Variants in PAPPA2 observed in about 807,000 individuals in gnomAD.
PAPPA2 encodes the protein pappalysin-2.
PAPPA2 carries 86 observed loss-of-function variants against 176.4 expected under a neutral mutation model. That is an observed-to-expected ratio of 0.49 (90% confidence interval 0.41 to 0.58). The LOEUF is 0.58. Ranked by LOEUF, PAPPA2 falls within the 20% of genes least tolerant of loss-of-function variation. The pLI is 0.00. For synonymous variants in PAPPA2, 809 were observed against 852.2 expected (o/e 0.95, Z 0.88); for missense variants, 2,073 against 2,256.9 (o/e 0.92, Z 1.65).
At chr1:176,504,884 A>T (rs1648168900) in intron 1 of PAPPA2, among the ~76,000 whole-genome samples, 1 of 152,116 alleles carries the variant, frequency 6.6e-6, no homozygotes, top group South Asian at 2.1e-4. Context: ...TGAAATGAAG[A>T]TAATACGGAA....
intron 16 of PAPPA2, 53 bp from the exon 17 acceptor site, chr1:176,770,914 T>C: frequency 6.5e-7 from 1 of 1,539,824 alleles, no homozygotes. Context: ...GCTATGATTA[T>C]CTTTCTGGGC....
chr1:176,553,225 G>A (rs1651067641), intron 1 of PAPPA2, among the ~76,000 whole-genome samples: 1 of 145,394 alleles, frequency 6.9e-6, no homozygotes, highest in South Asian at 2.4e-4. Flanking sequence ...AGCCTTGAGA[G>A]AGCCGAGGCT....
chr1:176,748,651 A>T (rs1571266531), intron 14 of PAPPA2, among the ~76,000 whole-genome samples: 1 of 152,234 alleles, frequency 6.6e-6, no homozygotes, highest in East Asian at 1.9e-4. Flanking sequence ...TCTCAATGAA[A>T]GACTGTATAT....
intron 12 of PAPPA2, among the ~76,000 whole-genome samples, chr1:176,728,822 A>G (rs551596169): frequency 6.6e-6 from 1 of 151,954 alleles, no homozygotes; most frequent in Non-Finnish European, 1.5e-5. Flanking sequence ...ATGCCCAAAC[A>G]TATATACATA....
chr1:176,825,615 A>C (rs755873665), intron 21 of PAPPA2, among the ~76,000 whole-genome samples: 3 of 152,206 alleles, frequency 2.0e-5, no homozygotes, highest in Non-Finnish European at 2.9e-5. Context: ...AGAGACTAGG[A>C]GACTCAAGAC....
At position 176,769,647 on chromosome 1, in the gene PAPPA2, A is replaced by G. The variant is rs1194791453; in HGVS notation, c.4364A>G (p.Gln1455Arg). 3 of 1,613,714 alleles carry G rather than the reference A, an allele frequency of 1.9e-6. No individual in the cohort carries two copies. The highest frequency in any genetic ancestry group is 2.5e-6 in the Non-Finnish European group (3 of 1,179,914). Residue 1455 changes from glutamine to arginine, a missense_variant, in exon 16 of 23, where the codon CAG becomes CGG. Gln to Arg is a conservative substitution (Grantham distance 43). Coordinates refer to ENST00000367662, the MANE Select transcript of PAPPA2 (RefSeq NM_020318.3). ...ACATGTTCTTCTGGGCACTGGGACCAGAATGTGAGCTGCCTTCCCGTGGAC... is the reference window on the plus strand; with the variant it reads ...ACATGTTCTTCTGGGCACTGGGACCGGAATGTGAGCTGCCTTCCCGTGGAC... Reference protein sequence around the residue: ...LLTCSSGHWDQNVSCLPVDCG... With the variant: ...LLTCSSGHWDRNVSCLPVDCG...
intron 3 of PAPPA2, among the ~76,000 whole-genome samples, chr1:176,597,747 G>A (rs895544339): frequency 7.2e-5 from 11 of 152,132 alleles, no homozygotes; most frequent in Non-Finnish European, 1.5e-4. Context: ...GTAACCTTAA[G>A]CAGAAGCTAA....
intron 1 of PAPPA2, among the ~76,000 whole-genome samples, chr1:176,518,659 C>G (rs755925562): frequency 6.6e-6 from 1 of 152,064 alleles, no homozygotes; most frequent in African/African-American, 2.4e-5. Flanking sequence ...ACTCAGGAAC[C>G]ATCTGCATTT....
At chr1:176,793,470 T>C in intron 19 of PAPPA2, 90 bp from the exon 20 acceptor site, 1 of 1,104,808 alleles carries the variant, frequency 9.1e-7, no homozygotes, top group East Asian at 2.4e-5. Flanking sequence ...AAGCAGTTGT[T>C]CTTTAAAAAC....
At chr1:176,797,747 C>T (rs1221167740) in intron 20 of PAPPA2, among the ~76,000 whole-genome samples, 1 of 152,122 alleles carries the variant, frequency 6.6e-6, no homozygotes, top group African/African-American at 2.4e-5. Context: ...GCTTTTCTTC[C>T]TGTTTCACAG....
Position 176,790,914 on chromosome 1 carries a change from A to G in PAPPA2, c.4885-433A>G, listed in dbSNP as rs966219239. 2.6e-5 allele frequency among the ~76,000 whole-genome samples: 4 copies of G among 152,198 alleles called. No individual in the cohort carries two copies. The South Asian group carries it at 8.3e-4, about 32-fold the overall frequency. ...AGGCAAAAACACACCTTTAGGAAAT[A>G]TTATGAATTGGTTTCACTGGATGAA... On this transcript the variant is annotated intron_variant, in intron 18 of 22. Coordinates refer to ENST00000367662, the MANE Select transcript of PAPPA2 (RefSeq NM_020318.3).
chr1:176,720,896 A>G (rs1661584568), intron 12 of PAPPA2, among the ~76,000 whole-genome samples: 1 of 152,214 alleles, frequency 6.6e-6, no homozygotes, highest in Admixed American at 6.5e-5. Context: ...TTAAGAACCC[A>G]GAGTTCTGAT....
At position 176,590,643 on chromosome 1, in the gene PAPPA2, G is replaced by C. The variant is rs796070478; in HGVS notation, c.920-3881G>C. Among the ~76,000 whole-genome samples the C allele has an allele frequency of 4.6e-5, 7 of 152,222 alleles. 1 individual carries two copies. Among genetic ancestry groups the C allele is most frequent in the African/African-American group, 1.7e-4 (7 of 41,534 alleles). ...TCATGAGGTTTAAGTCTCAGCTTGT[G>C]GTTGAAGATGCACAGATTTTATTTC... On this transcript the variant is annotated intron_variant, in intron 2 of 22. Transcript: ENST00000367662.
chr1:176,779,443 G>T (rs936507013), intron 17 of PAPPA2, among the ~76,000 whole-genome samples: 1 of 150,064 alleles, frequency 6.7e-6, no homozygotes, highest in Non-Finnish European at 1.5e-5. Context: ...GTAGGGTGGA[G>T]AAAATGAGCA....
intron 1 of PAPPA2, among the ~76,000 whole-genome samples, chr1:176,546,128 T>G (rs1459408066): frequency 6.6e-6 from 1 of 152,238 alleles, no homozygotes; most frequent in Non-Finnish European, 1.5e-5. Context: ...TTGTTTACTT[T>G]AAATGATAAA....
chr1:176,476,315 A>G (rs542918063), intron 1 of PAPPA2, among the ~76,000 whole-genome samples: 1 of 152,294 alleles, frequency 6.6e-6, no homozygotes, highest in Non-Finnish European at 1.5e-5. Flanking sequence ...TTGCATCTAG[A>G]GTAATGTCTG....
intron 1 of PAPPA2, among the ~76,000 whole-genome samples, chr1:176,468,827 G>T (rs917699453): frequency 6.6e-6 from 1 of 152,108 alleles, no homozygotes; most frequent in African/African-American, 2.4e-5. Context: ...ATTTCTCTTT[G>T]TTCTTTGGGA....
At chr1:176,660,700 A>C (rs932815028) in intron 3 of PAPPA2, among the ~76,000 whole-genome samples, 2 of 152,068 alleles carry the variant, frequency 1.3e-5, no homozygotes, top group Non-Finnish European at 2.9e-5. Context: ...ACTCTCCAAA[A>C]CAGTGTCTTC....
At chr1:176,694,839 C>A (rs1185549527) in intron 6 of PAPPA2, among the ~76,000 whole-genome samples, 1 of 152,180 alleles carries the variant, frequency 6.6e-6, no homozygotes, top group African/African-American at 2.4e-5. Context: ...AGAGCTTGGT[C>A]TGGACTGGCT....
Sources: gnomAD v4.1 joint callset for allele counts (sites outside exome capture counted in the v4.1 genomes callset) on GRCh38, gnomAD v4.1.1 for gene constraint, MANE v1.5 for transcripts, NCBI Gene and HGNC (gene_info 2026-07-23, HGNC 2026-07-21) for gene names.